The following ZFHX3 variants were observed in gnomAD, a reference collection of about 807,000 sequenced individuals.
ZFHX3 encodes zinc finger homeobox 3, also known as zinc finger homeobox protein 3.
Under a neutral mutation model 279.1 loss-of-function variants are expected in ZFHX3, and 42 were observed. The observed-to-expected ratio is 0.15, with a 90% CI of 0.12 to 0.19. The LOEUF is 0.19. Among genes scored for constraint, ZFHX3 ranks in the 10% least tolerant of loss-of-function variants. The pLI is 1.00. For synonymous variants in ZFHX3, 2,293 were observed against 1,957.8 expected (o/e 1.17, Z -4.52); for missense variants, 4,981 against 4,754.0 (o/e 1.05, Z -1.40).
intron 2 of ZFHX3, among the ~76,000 whole-genome samples, chr16:73,477,958 T>G (rs1053784758): frequency 6.6e-6 from 1 of 152,124 alleles, no homozygotes; most frequent in Non-Finnish European, 1.5e-5. Flanking sequence ...TGTTGTTGTT[T>G]TTGTTGTCTT....
intron 1 of ZFHX3, among the ~76,000 whole-genome samples, chr16:73,755,255 G>A (rs7192167): frequency 0.51 from 76,875 of 151,868 alleles, 19,983 homozygotes; most frequent in Non-Finnish European, 0.54. Context: ...CCCAGTTTCC[G>A]TTTCTAAGAC....
chr16:73,046,971 A>G (rs1965323375), intron 1 of ZFHX3, among the ~76,000 whole-genome samples: 1 of 152,160 alleles, frequency 6.6e-6, no homozygotes, highest in South Asian at 2.1e-4. Flanking sequence ...CACAGGAGGT[A>G]CCACTGTGCC....
At chr16:73,329,050 C>T (rs1597286568) in intron 3 of ZFHX3, among the ~76,000 whole-genome samples, 1 of 152,172 alleles carries the variant, frequency 6.6e-6, no homozygotes, top group Admixed American at 6.5e-5. Flanking sequence ...GACTTTTTAC[C>T]CTCCTTTCCT....
At chr16:72,984,864 ATATG>A (rs1454893704) in intron 1 of ZFHX3, among the ~76,000 whole-genome samples, 3 of 152,184 alleles carry the variant, frequency 2.0e-5, no homozygotes, top group Non-Finnish European at 4.4e-5. Flanking sequence ...ACATGTTTAC[ATATG>A]TATGTATACA....
At chr16:72,813,658 ATAACAGTATTTT>A (rs144486656) in intron 5 of ZFHX3, among the ~76,000 whole-genome samples, 3,934 of 152,302 alleles carry the variant, frequency 0.026, 83 homozygotes, top group Non-Finnish European at 0.039. Context: ...ACACACATTC[ATAACAGTATTTT>A]AATCTGTCTC....
At chr16:73,068,459 A>AG (rs1158791347) in intron 8 of ZFHX3, among the ~76,000 whole-genome samples, 1 of 152,220 alleles carries the variant, frequency 6.6e-6, no homozygotes, top group Non-Finnish European at 1.5e-5. Flanking sequence ...TATTCACTAA[A>AG]GGGAAAAAGG....
In ZFHX3 at chr16:72,787,469, C is replaced by T. The variant is rs1458446159; in HGVS notation, c.10807G>A (p.Ala3603Thr). 9 of 1,337,616 alleles carry T rather than the reference C, an allele frequency of 6.7e-6. No homozygotes were observed. Among genetic ancestry groups the T allele is most frequent in the Middle Eastern group, 2.2e-4 (1 of 4,626 alleles). The allele number at this position is 1,337,616 out of a possible 1,614,324, so 82.9% of individuals were successfully genotyped here. Residue 3603 changes from alanine (A) to threonine (T), a missense_variant, in exon 10 of 10, where the codon GCC becomes ACC. Transcript: ENST00000268489. The part of the protein sequence containing the change: ...SNDSPPPPSA[A>T]APSSASPHAS... Reference sequence around the variant, plus strand: ...TGGGGGGAAGCGGAGGAGGGGGCGGCGGCCGACGGGGGAGGGGGGCTGTCG... The same window carrying T: ...TGGGGGGAAGCGGAGGAGGGGGCGGTGGCCGACGGGGGAGGGGGGCTGTCG...
chr16:73,192,428 G>C (rs764869337), intron 5 of ZFHX3, among the ~76,000 whole-genome samples: 4 of 152,174 alleles, frequency 2.6e-5, no homozygotes, highest in Non-Finnish European at 5.9e-5. Flanking sequence ...CACAACAGAG[G>C]AGAGTGATCC....
chr16:73,455,869 A>C (rs1490686107), intron 3 of ZFHX3: 1 of 151,928 alleles, frequency 6.6e-6, no homozygotes. Flanking sequence ...ACGCGCTCCC[A>C]GCATTATACC....
At chr16:73,530,447 G>T (rs546130821) in intron 2 of ZFHX3, among the ~76,000 whole-genome samples, 3 of 152,264 alleles carry the variant, frequency 2.0e-5, no homozygotes, top group South Asian at 2.1e-4. Context: ...TGTTTTCCAC[G>T]TCTGATAAAC....
rs140009120 is a variant in ZFHX3, at chr16:73,890,707, C to A, written c.-1608+944G>T. Among the ~76,000 whole-genome samples the A allele has an allele frequency of 6.2e-3, 942 of 152,168 alleles. 7 individuals are homozygous for A. Among genetic ancestry groups the A allele is most frequent in the Middle Eastern group, 0.01 (3 of 294 alleles). On this transcript the variant is annotated intron_variant, in intron 1 of 17. Transcript: ENST00000641206. ...ATCTTCTCTTTCCTGTACGTTACAT[C>A]GTCCTATTTAAATAAAAGCAAACGT...
intron 1 of ZFHX3, among the ~76,000 whole-genome samples, chr16:72,981,862 G>A (rs368990699): frequency 2.7e-5 from 4 of 148,778 alleles, no homozygotes; most frequent in Admixed American, 1.4e-4. Flanking sequence ...TGCACACAGC[G>A]TTTTACACAT....
At chr16:73,177,595 C>T (rs1259365224) in intron 5 of ZFHX3, among the ~76,000 whole-genome samples, 1 of 152,244 alleles carries the variant, frequency 6.6e-6, no homozygotes, top group Non-Finnish European at 1.5e-5. Flanking sequence ...CACTGGCATA[C>T]AGCCAATATG....
intron 3 of ZFHX3, among the ~76,000 whole-genome samples, chr16:73,318,837 C>CAA (rs928257807): frequency 1.3e-5 from 2 of 152,144 alleles, no homozygotes; most frequent in African/African-American, 4.8e-5. Flanking sequence ...CTGAGCTAAA[C>CAA]AAAAGGTAAT....
At chr16:73,704,518 C>T (rs988147551) in intron 1 of ZFHX3, among the ~76,000 whole-genome samples, 2 of 152,196 alleles carry the variant, frequency 1.3e-5, no homozygotes, top group Admixed American at 6.5e-5. Flanking sequence ...CAGACAGCCG[C>T]ACTGTACTGC....
chr16:73,842,951 C>G (rs1423352427), intron 1 of ZFHX3, among the ~76,000 whole-genome samples: 1 of 152,206 alleles, frequency 6.6e-6, no homozygotes, highest in Non-Finnish European at 1.5e-5. Context: ...AATGGAACCC[C>G]CACTTTACGA....
At chr16:73,601,756 TA>T (rs1262250890) in intron 2 of ZFHX3, among the ~76,000 whole-genome samples, 4 of 152,170 alleles carry the variant, frequency 2.6e-5, no homozygotes, top group Non-Finnish European at 5.9e-5. Flanking sequence ...TTTAATATTT[TA>T]AAAGGTGAAG....
chr16:73,023,166 G>A (rs1875037999), intron 1 of ZFHX3, among the ~76,000 whole-genome samples: 1 of 152,234 alleles, frequency 6.6e-6, no homozygotes, highest in African/African-American at 2.4e-5. Flanking sequence ...GGCAGAGGCT[G>A]CAGTGAGCTG....
At chr16:73,137,724 C>T (rs1966817232) in intron 6 of ZFHX3, 1 of 151,942 alleles carries the variant, frequency 6.6e-6, no homozygotes, top group Admixed American at 6.6e-5. Context: ...TTAGGATGTT[C>T]AGAAAATCTG....
Sources: gnomAD v4.1 joint callset for allele counts (sites outside exome capture counted in the v4.1 genomes callset) on GRCh38, gnomAD v4.1.1 for gene constraint, MANE v1.5 for transcripts, NCBI Gene and HGNC (gene_info 2026-07-23, HGNC 2026-07-21) for gene names.